KCNQ1: variants seen among roughly 807,000 people sequenced by gnomAD.
KCNQ1 encodes the protein potassium voltage-gated channel subfamily KQT member 1.
KCNQ1 carries 49 observed loss-of-function variants against 72.4 expected under a neutral mutation model. That is an observed-to-expected ratio of 0.68 (90% CI 0.54 to 0.86). The LOEUF is 0.86. KCNQ1 is among the 40% of genes least tolerant of loss of function. KCNQ1 has a pLI of 0.00. For missense variants in KCNQ1, 790 were observed against 945.1 expected (o/e 0.84, Z 2.15); for synonymous variants, 450 against 412.6 (o/e 1.09, Z -1.10).
intron 2 of KCNQ1, among the ~76,000 whole-genome samples, chr11:2,546,047 C>CT (rs1053703349): frequency 2.6e-4 from 40 of 151,458 alleles, no homozygotes; most frequent in East Asian, 1.4e-3. Flanking sequence ...TTAATTTGTT[C>CT]TTTTTTTTCT....
chr11:2,503,490 G>A (rs966828056), intron 1 of KCNQ1, among the ~76,000 whole-genome samples: 6 of 143,244 alleles, frequency 4.2e-5, no homozygotes, highest in African/African-American at 1.5e-4. Context: ...ACTGAACAAT[G>A]AGAACACATG....
intron 1 of KCNQ1, chr11:2,461,480 GAGGCCCGGGA>G: frequency 3.1e-6 from 4 of 1,293,178 alleles, no homozygotes; most frequent in Non-Finnish European, 4.0e-6. Flanking sequence ...GGGGCTGTGA[GAGGCCCGGGA>G]AGGCACTGTC....
At chr11:2,570,305 A>G (rs796625411) in intron 2 of KCNQ1, among the ~76,000 whole-genome samples, 5 of 97,962 alleles carry the variant, frequency 5.1e-5, no homozygotes, top group African/African-American at 1.2e-4. Context: ...CTCTGGCCCA[A>G]GCTGGGGTTC....
At chr11:2,615,145 T>G in intron 10 of KCNQ1, 1 of 398,296 alleles carries the variant, frequency 2.5e-6, no homozygotes. Context: ...TATTTTACTC[T>G]TTTTGATGCT....
In KCNQ1 at chr11:2,579,735, C is replaced by T. The variant is rs1217270149; in HGVS notation, c.922-3700C>T. 1.3e-5 allele frequency among the ~76,000 whole-genome samples: 2 copies of T among 152,138 alleles called. No individual in the cohort carries two copies. Among genetic ancestry groups the T allele is most frequent in the Non-Finnish European group, 2.9e-5 (2 of 68,030 alleles). On this transcript the variant is annotated intron_variant, in intron 6 of 15. Coordinates refer to ENST00000155840, the MANE Select transcript of KCNQ1 (RefSeq NM_000218.3). This position sits in a 1 kb window ranked among gnomAD's most constrained non-coding sequence, Gnocchi z 6.0. ...AGGGGCACTTCTGGGGCTGGCCTTT[C>T]TCTCCCTCTCGGGGCACCCCTGCCT...
chr11:2,633,619 G>C (rs955903566), intron 10 of KCNQ1: 2 of 398,430 alleles, frequency 5.0e-6, no homozygotes, highest in South Asian at 1.3e-4. Flanking sequence ...TGTTCAACAT[G>C]GTGTCCTTTC....
At chr11:2,842,071 T>C (rs1474460826) in intron 15 of KCNQ1, among the ~76,000 whole-genome samples, 1 of 152,170 alleles carries the variant, frequency 6.6e-6, no homozygotes, top group Non-Finnish European at 1.5e-5. Flanking sequence ...GAGCTTCCTC[T>C]GGCTGCTCGG....
rs1564811919 is a variant in KCNQ1 at position 2,544,266 on chromosome 11, G to GTATATATA, written c.477+16249_477+16250insATATATAT. Among the ~76,000 whole-genome samples, 8 of 138,106 alleles carry GTATATATA rather than the reference G, an allele frequency of 5.8e-5. No homozygotes were observed. The highest frequency in any genetic ancestry group is 2.0e-4 in the African/African-American group (7 of 35,202). 90.6% of individuals were successfully genotyped at this position (138,106 alleles called of 152,430 possible). A position where few individuals can be genotyped will look rare whatever the true frequency, so the allele number is the denominator to read the frequency against. On this transcript the variant is annotated intron_variant, in intron 2 of 15. Coordinates refer to ENST00000155840, the MANE Select transcript of KCNQ1 (RefSeq NM_000218.3). This position sits in a 1 kb window ranked among gnomAD's most constrained non-coding sequence, Gnocchi z 4.4. ...TGTGTGTGTATATATATATGTGTGT[G>GTATATATA]TGTGTATATATATGTGTATATATAT...
Position 2,621,139 on chromosome 11 carries a change from G to A in KCNQ1, c.1393+32285G>A, listed in dbSNP as rs868359295. On this transcript the variant is annotated intron_variant, in intron 10 of 15. Transcript: ENST00000155840. The surrounding 1 kb of genome is among the most constrained non-coding windows in gnomAD (Gnocchi z 5.7). Reference sequence around the variant, plus strand: ...ATTACAGGTGACCGCCACCATACCTGGCTAATTTTTGTGTTTTTAGTAGAG... The same window carrying A: ...ATTACAGGTGACCGCCACCATACCTAGCTAATTTTTGTGTTTTTAGTAGAG... 3 of 396,862 alleles carry A rather than the reference G, an allele frequency of 7.6e-6. No homozygotes were observed. Among genetic ancestry groups the A allele is most frequent in the Middle Eastern group, 6.3e-4 (1 of 1,584 alleles). 24.6% of individuals were successfully genotyped at this position (396,862 alleles called of 1,614,324 possible). A position where few individuals can be genotyped will look rare whatever the true frequency, so the allele number is the denominator to read the frequency against.
At chr11:2,459,289 T>C (rs1007168389) in intron 1 of KCNQ1, among the ~76,000 whole-genome samples, 8 of 152,126 alleles carry the variant, frequency 5.3e-5, no homozygotes, top group African/African-American at 1.7e-4. Context: ...AGGGACTGTG[T>C]GGCCTGCCTG....
rs945214824 is a variant in KCNQ1, at chr11:2,750,388, G to A, written c.1515-18456G>A. On this transcript the variant is annotated intron_variant, in intron 11 of 15. Transcript: ENST00000155840. This position sits in a 1 kb window ranked among gnomAD's most constrained non-coding sequence, Gnocchi z 6.3. ...TTTAGCCCTGCTCTGTGAACTGCTG[G>A]GCCTTCCTTAGGGGCCCTGGGGAGC... is the stretch of plus-strand genomic sequence containing the variant. Among the ~76,000 whole-genome samples, 2 of 152,134 alleles carry A rather than the reference G, an allele frequency of 1.3e-5. No individual in the cohort carries two copies. The highest frequency in any genetic ancestry group is 2.9e-5 in the Non-Finnish European group (2 of 68,014).
intron 9 of KCNQ1, 53 bp downstream of exon 9, chr11:2,587,745 G>T (rs1848615291): frequency 1.2e-6 from 2 of 1,611,442 alleles, no homozygotes; most frequent in South Asian, 1.1e-5. Context: ...CAGGTGGGGA[G>T]GCCGTGGGGG....
chr11:2,578,057 C>T (rs1022616026), intron 6 of KCNQ1, among the ~76,000 whole-genome samples: 3 of 152,228 alleles, frequency 2.0e-5, no homozygotes, highest in Non-Finnish European at 4.4e-5. Context: ...AGCAGAGGCC[C>T]AGAAGGCTCT....
chr11:2,693,579 TC>T (rs1454920517), intron 11 of KCNQ1: 1 of 398,544 alleles, frequency 2.5e-6, no homozygotes, highest in East Asian at 3.6e-5. Flanking sequence ...CAGGGATTCT[TC>T]CATAAATGAG....
intron 11 of KCNQ1, among the ~76,000 whole-genome samples, chr11:2,731,474 G>A (rs929693553): frequency 9.2e-5 from 14 of 152,210 alleles, no homozygotes; most frequent in Admixed American, 3.3e-4. Context: ...CTCGGGCACC[G>A]GACACAGGGA....
chr11:2,445,133 G>A lies in KCNQ1; in HGVS notation c.35G>A (p.Arg12Lys). The A allele has an allele frequency of 8.9e-7, 1 of 1,119,740 alleles. No individual in the cohort carries two copies. Among genetic ancestry groups the A allele is most frequent in the Non-Finnish European group, 1.1e-6 (1 of 914,000 alleles). 69.4% of individuals were successfully genotyped at this position (1,119,740 alleles called of 1,614,324 possible). Residue 12 changes from arginine (R) to lysine (K), a missense_variant, in exon 1 of 16, where the codon AGG becomes AAG. Arg to Lys is a conservative substitution (Grantham distance 26, BLOSUM62 2). Around this residue, in one of 5 missense-constraint regions of KCNQ1, gnomAD observed 294 missense variants for 323.3 expected, o/e 0.91. Transcript: ENST00000155840. ...AAASSPPRAE[R>K]KRWGWGRLPG... ...GCCTCCTCCCCGCCCAGGGCCGAGA[G>A]GAAGCGCTGGGGTTGGGGCCGCCTG...
chr11:2,522,097 G>A (rs985134751), intron 1 of KCNQ1, among the ~76,000 whole-genome samples: 9 of 152,250 alleles, frequency 5.9e-5, no homozygotes, highest in Admixed American at 2.0e-4. Context: ...GGGTGCCTTC[G>A]GGGCTGGTAC....
Position 2,595,816 on chromosome 11 carries a change from G to A in KCNQ1, c.1393+6962G>A, listed in dbSNP as rs150393942. ...GAAATACATTTTATAAGGCTATAGC[G>A]GCCATAGATAGCGATTGCTTTGATG... On this transcript the variant is annotated intron_variant, in intron 10 of 15. Coordinates refer to ENST00000155840, the MANE Select transcript of KCNQ1 (RefSeq NM_000218.3). The surrounding 1 kb of genome is among the most constrained non-coding windows in gnomAD (Gnocchi z 5.0). Among the ~76,000 whole-genome samples the A allele has an allele frequency of 3.3e-5, 5 of 152,212 alleles. No individual in the cohort carries two copies. The highest frequency in any genetic ancestry group is 1.9e-4 in the East Asian group (1 of 5,182).
chr11:2,652,088 C>T lies in KCNQ1; in HGVS notation c.1394-9873C>T, dbSNP rs1316765485. ...ATTTGAGAAGCTATGGGGAGCCTCT[C>T]GGCCCCAGTTCTGGCCTGGCTGGGA... On this transcript the variant is annotated intron_variant, in intron 10 of 15. Coordinates refer to ENST00000155840, the MANE Select transcript of KCNQ1 (RefSeq NM_000218.3). The surrounding 1 kb of genome is among the most constrained non-coding windows in gnomAD (Gnocchi z 5.9). 2.3e-5 allele frequency: 9 copies of T among 398,662 alleles called. No homozygotes were observed. In the South Asian group the frequency reaches 5.1e-4, roughly 23 times the overall value. 24.7% of individuals were successfully genotyped at this position (398,662 alleles called of 1,614,324 possible).
Sources: gnomAD v4.1 joint callset for allele counts (sites outside exome capture counted in the v4.1 genomes callset) on GRCh38, gnomAD v4.1.1 for gene constraint, gnomAD v4.1.1 regional missense constraint, Gnocchi (gnomAD v3.1) non-coding constraint, MANE v1.5 for transcripts, NCBI Gene and HGNC (gene_info 2026-07-23, HGNC 2026-07-21) for gene names.